SNTG2: variants seen among roughly 807,000 people sequenced by gnomAD.
SNTG2 encodes the protein gamma-2-syntrophin.
In SNTG2, 74 loss-of-function variants were observed where a neutral mutation model predicts 70.9. The observed-to-expected ratio is 1.04, with a 90% confidence interval of 0.86 to 1.27. The LOEUF is 1.27. Among genes scored for constraint, SNTG2 ranks in the 50% most tolerant of loss-of-function variants. SNTG2 has a pLI of 0.00. For synonymous variants in SNTG2, 278 were observed against 273.8 expected, an observed-to-expected ratio of 1.02 and a Z score of -0.15; for missense variants, 717 against 690.7, an observed-to-expected ratio of 1.04 and a Z score of -0.43.
intron 1 of SNTG2, among the ~76,000 whole-genome samples, chr2:991,407 A>ACACACACACACACAC (rs1553305482): frequency 1.3e-5 from 2 of 151,118 alleles, no homozygotes; most frequent in African/African-American, 4.9e-5. Flanking sequence ...ACACACACAC[A>ACACACACACACACAC]ATTATGACTT....
In SNTG2 at chr2:1,022,644, A is replaced by C. The variant is rs1198634897; in HGVS notation, c.73-60874A>C. Among the ~76,000 whole-genome samples the C allele has an allele frequency of 2.0e-4, 31 of 152,212 alleles. No homozygotes were observed. In the East Asian group the frequency reaches 5.8e-3, roughly 28 times the overall value. ...CCTCGAGTATTCCTGTACCCTTGTG[A>C]AGCCCCCGAGTTTTTGTGCATACTT... On this transcript the variant is annotated intron_variant, in intron 1 of 16. Coordinates refer to ENST00000308624, the MANE Select transcript of SNTG2 (RefSeq NM_018968.4).
chr2:1,081,978 G>A (rs1009515122), intron 1 of SNTG2, among the ~76,000 whole-genome samples: 1 of 152,216 alleles, frequency 6.6e-6, no homozygotes, highest in Non-Finnish European at 1.5e-5. Context: ...ATGCAGTGGG[G>A]CACACACTCT....
chr2:1,249,973 G>A (rs2148137060), intron 12 of SNTG2, among the ~76,000 whole-genome samples: 1 of 152,320 alleles, frequency 6.6e-6, no homozygotes, highest in East Asian at 1.9e-4. Flanking sequence ...AGTGAGGGCT[G>A]AGGAGGGCGC....
At chr2:1,103,961 G>C (rs1186970645) in intron 4 of SNTG2, among the ~76,000 whole-genome samples, 3 of 152,186 alleles carry the variant, frequency 2.0e-5, no homozygotes, top group Non-Finnish European at 4.4e-5. Context: ...GTCAGGTATG[G>C]ATAAGACTAG....
Position 1,206,130 on chromosome 2 carries a change from T to C in SNTG2, c.592-2973T>C, listed in dbSNP as rs545275771. 4.6e-5 allele frequency among the ~76,000 whole-genome samples: 7 copies of C among 152,334 alleles called. No individual in the cohort carries two copies. In the East Asian group the frequency reaches 1.4e-3, roughly 29 times the overall value. On this transcript the variant is annotated intron_variant, in intron 8 of 16. Coordinates refer to ENST00000308624, the MANE Select transcript of SNTG2 (RefSeq NM_018968.4). ...TGTGATCAGCTGGTAGGAACATGCC[T>C]CATTATATCTGCAAGCTATTGAGTT...
rs1675109510 is a variant in SNTG2 at position 1,222,033 on chromosome 2, CTCTG to C, written c.719+12807_719+12810del. Among the ~76,000 whole-genome samples the C allele has an allele frequency of 1.4e-4, 4 of 28,514 alleles. 1 individual carries two copies. Among genetic ancestry groups the C allele is most frequent in the African/African-American group, 3.5e-4 (2 of 5,782 alleles). 18.7% of individuals were successfully genotyped at this position (28,514 alleles called of 152,430 possible). A position where few individuals can be genotyped will look rare whatever the true frequency, so the allele number is the denominator to read the frequency against. ...TCTGTCTCTCTCTGTCTCTGCCTATCTCTGTCTCTCTCTGTCTCTCTCTGTCTCT... is the reference window on the plus strand; with the variant it reads ...TCTGTCTCTCTCTGTCTCTGCCTATCTCTCTCTCTGTCTCTCTCTGTCTCT... On this transcript the variant is annotated intron_variant, in intron 9 of 16. Transcript: ENST00000308624.
chr2:1,288,845 C>T (rs116009319), intron 14 of SNTG2, among the ~76,000 whole-genome samples: 1,965 of 152,238 alleles, frequency 0.013, 15 homozygotes, highest in Non-Finnish European at 0.021. Flanking sequence ...ACACTTACAC[C>T]TATGCACACA....
At chr2:1,310,370 G>A (rs541626359) in intron 15 of SNTG2, among the ~76,000 whole-genome samples, 15 of 152,280 alleles carry the variant, frequency 9.9e-5, no homozygotes, top group African/African-American at 3.4e-4. Flanking sequence ...ACCCATGCTC[G>A]GGGCTCAGCA....
At chr2:1,286,023 C>T (rs1224493389) in intron 14 of SNTG2, among the ~76,000 whole-genome samples, 1 of 152,230 alleles carries the variant, frequency 6.6e-6, no homozygotes, top group Non-Finnish European at 1.5e-5. Flanking sequence ...CCAGCCAACA[C>T]TGTAACTCCT....
At chr2:1,083,410 T>C in intron 1 of SNTG2, 108 bp from the exon 2 acceptor site, 1 of 1,137,422 alleles carries the variant, frequency 8.8e-7, no homozygotes, top group South Asian at 1.4e-5. Context: ...ACGCGAGCAC[T>C]ACACGTGCAT....
intron 11 of SNTG2, among the ~76,000 whole-genome samples, chr2:1,241,657 CAA>C (rs922944386): frequency 5.3e-5 from 8 of 152,072 alleles, no homozygotes; most frequent in African/African-American, 1.9e-4. Flanking sequence ...CATCAACTGA[CAA>C]GAGAGAATGA....
intron 1 of SNTG2, among the ~76,000 whole-genome samples, chr2:1,038,628 G>T (rs1279545599): frequency 6.6e-6 from 1 of 152,150 alleles, no homozygotes; most frequent in African/African-American, 2.4e-5. Flanking sequence ...TATTCGAGAG[G>T]ATTTATCTTC....
intron 8 of SNTG2, among the ~76,000 whole-genome samples, chr2:1,190,582 G>A (rs1672533199): frequency 7.2e-6 from 1 of 138,594 alleles, no homozygotes; most frequent in African/African-American, 2.7e-5. Context: ...GACTGTAAAT[G>A]TATATATATA....
chr2:1,334,601 T>C (rs1042316798), intron 16 of SNTG2, among the ~76,000 whole-genome samples: 2 of 152,208 alleles, frequency 1.3e-5, no homozygotes, highest in Non-Finnish European at 2.9e-5. Flanking sequence ...CCATGGAATA[T>C]TACTCAACCA....
At chr2:1,167,308 C>T (rs559695982) in intron 7 of SNTG2, among the ~76,000 whole-genome samples, 103 of 146,854 alleles carry the variant, frequency 7.0e-4, no homozygotes, top group Non-Finnish European at 1.1e-3. Flanking sequence ...CACCCACAGA[C>T]GGCAGAACTG....
intron 8 of SNTG2, among the ~76,000 whole-genome samples, chr2:1,204,938 A>T (rs1274338788): frequency 6.6e-6 from 1 of 152,162 alleles, no homozygotes; most frequent in East Asian, 1.9e-4. Flanking sequence ...ACTTTTTATT[A>T]TCTGTGATCT....
At chr2:1,053,022 T>G (rs1662163910) in intron 1 of SNTG2, among the ~76,000 whole-genome samples, 1 of 152,240 alleles carries the variant, frequency 6.6e-6, no homozygotes, top group South Asian at 2.1e-4. Context: ...TATCTTTTTC[T>G]GGTAGTTTTC....
rs560448864 is a variant in SNTG2, at chr2:1,134,903, C to T, written c.326-2719C>T. Among the ~76,000 whole-genome samples, 556 of 152,308 alleles carry T rather than the reference C, an allele frequency of 3.7e-3. 3 individuals carry two copies. Among genetic ancestry groups the T allele is most frequent in the South Asian group, 0.018 (88 of 4,820 alleles). On this transcript the variant is annotated intron_variant, in intron 4 of 16. Coordinates refer to ENST00000308624, the MANE Select transcript of SNTG2 (RefSeq NM_018968.4). ...AGCTAAGGCCCCGAGAGAAATCAAG[C>T]GCAACACCGGTGGGCCAGAACTGCT...
chr2:1,102,983 C>A (rs548438002), intron 4 of SNTG2, among the ~76,000 whole-genome samples: 3 of 152,314 alleles, frequency 2.0e-5, no homozygotes, highest in African/African-American at 4.8e-5. Flanking sequence ...TCTGATTGTA[C>A]CGTTGAGGTG....
Sources: allele counts gnomAD v4.1 joint callset (sites outside exome capture counted in the v4.1 genomes callset), GRCh38; gene constraint gnomAD v4.1.1; transcripts MANE v1.5; gene names NCBI Gene and HGNC (gene_info 2026-07-23, HGNC 2026-07-21).